The following PINX1 variants were observed in gnomAD, a reference collection of about 807,000 sequenced individuals.
PINX1 encodes the protein PIN2 (TERF1) interacting telomerase inhibitor 1, also known as PIN2/TERF1-interacting telomerase inhibitor 1.
Under a neutral mutation model 25.4 loss-of-function variants are expected in PINX1, and 34 were observed. The observed-to-expected ratio is 1.34, with a 90% CI of 1.02 to 1.78. PINX1 has a LOEUF of 1.78. Ranked by LOEUF, PINX1 falls within the 40% of genes most tolerant of loss-of-function variation. The pLI is 0.00. For synonymous variants in PINX1, 197 were observed against 147.7 expected (o/e 1.33, Z -2.42); for missense variants, 592 against 404.9 (o/e 1.46, Z -3.97).
At chr8:10,825,350 A>T (rs759314545) in intron 5 of PINX1, 8 of 534,682 alleles carry the variant, frequency 1.5e-5, no homozygotes, top group African/African-American at 5.8e-5. Flanking sequence ...CCCAGGAAAG[A>T]ACCATCAACA....
chr8:10,824,064 T>A (rs1385307747), intron 5 of PINX1, among the ~76,000 whole-genome samples: 3 of 151,898 alleles, frequency 2.0e-5, no homozygotes, highest in Non-Finnish European at 4.4e-5. Flanking sequence ...GGCGAAAATC[T>A]TTATTATCTA....
chr8:10,780,321 C>A (rs552349009), intron 6 of PINX1, among the ~76,000 whole-genome samples: 24 of 152,218 alleles, frequency 1.6e-4, no homozygotes, highest in African/African-American at 5.8e-4. Context: ...TTTCACACTT[C>A]CCCCCATCAG....
chr8:10,826,638 T>G (rs565555379), intron 4 of PINX1, among the ~76,000 whole-genome samples: 152 of 152,330 alleles, frequency 1.0e-3, no homozygotes, highest in Admixed American at 1.6e-3. Context: ...GAGCAACCCC[T>G]GGGCCATCCT....
chr8:10,785,797 A>G lies in PINX1; in HGVS notation c.472-19881T>C, dbSNP rs930606892. Among the ~76,000 whole-genome samples, 3 of 152,228 alleles carry G rather than the reference A, an allele frequency of 2.0e-5. No individual in the cohort carries two copies. In the South Asian group the frequency reaches 6.2e-4, roughly 32 times the overall value. ...TATGTATACCAACATATACGTGTGTACAGGACCCCACTCCATGTAAGGAAC... is the reference window on the plus strand; with the variant it reads ...TATGTATACCAACATATACGTGTGTGCAGGACCCCACTCCATGTAAGGAAC... On this transcript the variant is annotated intron_variant, in intron 6 of 6. Coordinates refer to ENST00000314787, the MANE Select transcript of PINX1 (RefSeq NM_017884.6).
chr8:10,838,621 C>T (rs1176099561), intron 1 of PINX1, among the ~76,000 whole-genome samples: 3 of 152,164 alleles, frequency 2.0e-5, no homozygotes, highest in African/African-American at 7.2e-5. Context: ...TCAAAGAATA[C>T]GAAAACCAGA....
chr8:10,797,275 G>C (rs1448035797), intron 6 of PINX1, among the ~76,000 whole-genome samples: 4 of 152,204 alleles, frequency 2.6e-5, no homozygotes, highest in African/African-American at 4.8e-5. Context: ...GAAGGAAACA[G>C]TGTTTCAACC....
At chr8:10,834,439 C>T (rs1186210525) in intron 2 of PINX1, 1 of 553,176 alleles carries the variant, frequency 1.8e-6, no homozygotes, top group Non-Finnish European at 3.0e-6. Context: ...AGCCTAGTTG[C>T]AATGTCTATG....
intron 6 of PINX1, among the ~76,000 whole-genome samples, chr8:10,807,568 G>A (rs977106475): frequency 6.6e-6 from 1 of 152,074 alleles, no homozygotes; most frequent in Non-Finnish European, 1.5e-5. Flanking sequence ...TAGGGTTTTA[G>A]AATCTGAGCA....
chr8:10,805,233 G>A lies in PINX1; in HGVS notation c.471+14960C>T, dbSNP rs536487794. Among the ~76,000 whole-genome samples the A allele has an allele frequency of 1.8e-3, 276 of 152,314 alleles. 2 individuals carry two copies. Among genetic ancestry groups the A allele is most frequent in the African/African-American group, 6.2e-3 (259 of 41,568 alleles). ...AGGGCGTGCTTGGAGGAACCATCCA[G>A]CACAGACAGCCTGCTGGCTACAGGA... On this transcript the variant is annotated intron_variant, in intron 6 of 6. Transcript: ENST00000314787.
chr8:10,810,533 A>T (rs759093966), intron 6 of PINX1, among the ~76,000 whole-genome samples: 33 of 152,166 alleles, frequency 2.2e-4, no homozygotes, highest in Non-Finnish European at 4.4e-4. Context: ...GATGAATTCA[A>T]TTCAGCAAGA....
intron 6 of PINX1, among the ~76,000 whole-genome samples, chr8:10,782,445 G>A (rs1427336458): frequency 6.7e-6 from 1 of 149,138 alleles, no homozygotes; most frequent in Non-Finnish European, 1.5e-5. Flanking sequence ...TTTTTTTTAA[G>A]TACTCAGAGG....
chr8:10,801,128 G>T (rs988267884), intron 6 of PINX1, among the ~76,000 whole-genome samples: 25 of 152,154 alleles, frequency 1.6e-4, no homozygotes, highest in Admixed American at 1.6e-3. Flanking sequence ...CCGAATTCCA[G>T]AACACAAAAA....
At chr8:10,812,073 G>A (rs1797540788) in intron 6 of PINX1, among the ~76,000 whole-genome samples, 1 of 152,168 alleles carries the variant, frequency 6.6e-6, no homozygotes, top group Admixed American at 6.5e-5. Context: ...CCTACCCAAG[G>A]TGAAGGTAAC....
intron 1 of PINX1, among the ~76,000 whole-genome samples, chr8:10,838,850 C>T (rs61615360): frequency 0.034 from 5,166 of 152,250 alleles, 111 homozygotes; most frequent in Middle Eastern, 0.099. Context: ...AATTTCTGCC[C>T]CTGTAAAATC....
chr8:10,770,147 G>C (rs1801179071), intron 6 of PINX1, among the ~76,000 whole-genome samples: 1 of 152,220 alleles, frequency 6.6e-6, no homozygotes, highest in South Asian at 2.1e-4. Context: ...CTTCCACCCA[G>C]GCAAGAAGCC....
chr8:10,815,360 A>C (rs569678661), intron 6 of PINX1, among the ~76,000 whole-genome samples: 38 of 152,334 alleles, frequency 2.5e-4, no homozygotes, highest in Non-Finnish European at 4.4e-4. Flanking sequence ...GCTTTGATAT[A>C]ATTTTCTTTT....
intron 6 of PINX1, among the ~76,000 whole-genome samples, chr8:10,805,729 G>C (rs1802426429): frequency 1.1e-5 from 1 of 92,170 alleles, no homozygotes; most frequent in African/African-American, 4.4e-5. Flanking sequence ...GGCCACACTA[G>C]CGCTGAGTGG....
At chr8:10,820,539 G>A (rs1407444890) in intron 5 of PINX1, among the ~76,000 whole-genome samples, 1 of 152,122 alleles carries the variant, frequency 6.6e-6, no homozygotes, top group Non-Finnish European at 1.5e-5. Flanking sequence ...TGACTGCAAG[G>A]AAAGCTAAAT....
intron 5 of PINX1, among the ~76,000 whole-genome samples, chr8:10,824,589 T>A (rs1797979906): frequency 1.3e-5 from 2 of 152,122 alleles, no homozygotes; most frequent in Non-Finnish European, 2.9e-5. Flanking sequence ...AGGAGTGGCT[T>A]AACTAGAAAT....
Sources: gnomAD v4.1 joint callset for allele counts (sites outside exome capture counted in the v4.1 genomes callset) on GRCh38, gnomAD v4.1.1 for gene constraint, MANE v1.5 for transcripts, NCBI Gene and HGNC (gene_info 2026-07-23, HGNC 2026-07-21) for gene names.